Variants in LRRC37A observed in about 807,000 individuals in gnomAD.
LRRC37A encodes the protein leucine rich repeat containing 37A, also known as leucine-rich repeat-containing protein 37A.
LRRC37A carries 3 observed loss-of-function variants against 35.4 expected under a neutral mutation model. The observed-to-expected ratio is 0.08, with a 90% CI of 0.04 to 0.22. The LOEUF (loss-of-function observed/expected upper bound fraction) is 0.22. LRRC37A is among the 10% of genes least tolerant of loss of function. The pLI is 1.00. For synonymous variants in LRRC37A, 23 were observed against 215.0 expected, an observed-to-expected ratio of 0.11 and a Z score of 7.81; for missense variants, 67 against 565.3, an observed-to-expected ratio of 0.12 and a Z score of 8.94.
the LRRC37A span, among the ~76,000 whole-genome samples, chr17:46,261,777 A>C: frequency 1.1e-4 from 16 of 152,114 alleles, no homozygotes; most frequent in Admixed American, 3.3e-4. Context: ...AAAAGAAACA[A>C]GTATGGGAAA....
At chr17:46,264,092 T>C in the LRRC37A span, among the ~76,000 whole-genome samples, 1 of 151,714 alleles carries the variant, frequency 6.6e-6, no homozygotes, top group African/African-American at 2.4e-5. Context: ...CTATCCTGAG[T>C]TCTGTGAGTC....
At chr17:46,275,334 G>A in the LRRC37A span, 1 of 878,238 alleles carries the variant, frequency 1.1e-6, no homozygotes, top group Non-Finnish European at 1.7e-6. Context: ...AAATAGTTCA[G>A]GCAACAAGAT....
At chr17:46,248,610 C>T in the LRRC37A span, among the ~76,000 whole-genome samples, 1 of 152,070 alleles carries the variant, frequency 6.6e-6, no homozygotes, top group Non-Finnish European at 1.5e-5. Flanking sequence ...ACCTCCACCT[C>T]CCAGGTTCAA....
At chr17:46,305,013 C>CCCT in intron 3 of LRRC37A, among the ~76,000 whole-genome samples, 2 of 85,020 alleles carry the variant, frequency 2.4e-5, no homozygotes, top group East Asian at 6.1e-4. Context: ...GGACTACAGG[C>CCCT]ACGTGCCACT....
the LRRC37A span, among the ~76,000 whole-genome samples, chr17:46,261,168 C>T: frequency 0.15 from 22,214 of 152,040 alleles, 2,276 homozygotes; most frequent in Middle Eastern, 0.22. Context: ...AAAGAACTTA[C>T]TTACGTAACC....
At chr17:46,270,195 T>C in the LRRC37A span, among the ~76,000 whole-genome samples, 18,483 of 152,188 alleles carry the variant, frequency 0.12, no homozygotes, top group Non-Finnish European at 0.18. Context: ...GGTGATGCAC[T>C]CAGGAAGGTC....
chr17:46,252,224 TC>T, the LRRC37A span, among the ~76,000 whole-genome samples: 1 of 150,636 alleles, frequency 6.6e-6, no homozygotes, highest in East Asian at 1.9e-4. Context: ...ATTTTTTTTT[TC>T]AGACAGGATC....
chr17:46,257,104 C>G, the LRRC37A span, among the ~76,000 whole-genome samples: 10 of 152,256 alleles, frequency 6.6e-5, no homozygotes, highest in African/African-American at 2.4e-4. Flanking sequence ...AGTTACTCAT[C>G]TGTAAAACAG....
At chr17:46,264,146 C>CTTT in the LRRC37A span, among the ~76,000 whole-genome samples, 4 of 138,776 alleles carry the variant, frequency 2.9e-5, no homozygotes, top group African/African-American at 5.4e-5. Flanking sequence ...CCTCAGCTGA[C>CTTT]TTTTTTTTTT....
chr17:46,268,642 A>C, the LRRC37A span: 2 of 1,550,940 alleles, frequency 1.3e-6, no homozygotes, highest in Admixed American at 3.9e-5. Flanking sequence ...AAAAGGTTTA[A>C]CCCAAAAAGG....
chr17:46,271,167 T>TTTTTCTTTTC, the LRRC37A span, among the ~76,000 whole-genome samples: 12,687 of 137,520 alleles, frequency 0.092, 1 homozygote, highest in Middle Eastern at 0.15. Flanking sequence ...ATAGTTTCTT[T>TTTTTCTTTTC]TTTTTTTTTT....
At chr17:46,297,581 A>C in exon 1 of LRRC37A, 1 of 535,646 alleles carries the variant, frequency 1.9e-6, no homozygotes, top group Non-Finnish European at 3.2e-6. Context: ...ATAAGGCTTT[A>C]ACTGCACCAG....
chr17:46,252,919 C>CA, the LRRC37A span, among the ~76,000 whole-genome samples: 2 of 136,982 alleles, frequency 1.5e-5, 1 homozygote, highest in African/African-American at 5.0e-5. Flanking sequence ...GCTGGCCGGG[C>CA]GGGGGGCTGA....
At chr17:46,270,245 C>T in the LRRC37A span, among the ~76,000 whole-genome samples, 3 of 152,194 alleles carry the variant, frequency 2.0e-5, no homozygotes, top group African/African-American at 4.8e-5. Flanking sequence ...CCAGTAGTAG[C>T]ACTGTACACA....
At chr17:46,260,619 T>TC in the LRRC37A span, 1 of 1,117,744 alleles carries the variant, frequency 8.9e-7, no homozygotes, top group Non-Finnish European at 1.2e-6. Flanking sequence ...CTCTCTATTC[T>TC]CTTTTTTTTT....
Position 46,330,968 on chromosome 17 carries a change from G to C in LRRC37A, c.3691G>C (p.Val1231Leu), listed in dbSNP as rs138752722. 647 of 724,144 alleles carry C rather than the reference G, an allele frequency of 8.9e-4. 191 individuals are homozygous for C. The African/African-American group carries it at 0.011, about 12-fold the overall frequency. The allele number at this position is 724,144 out of a possible 1,614,324, so 44.9% of individuals were successfully genotyped here. ...GCCTGAGAAGTTAGCGGGAAACGCC[G>C]TCTACACCAAGCCTTCGTTCACCCA... is the stretch of plus-strand genomic sequence containing the variant. Residue 1231 changes from valine to leucine, a missense_variant, in exon 9 of 14, where the codon GTC (valine) becomes CTC (leucine). Val to Leu is a conservative substitution (Grantham distance 32, BLOSUM62 1). Transcript: ENST00000320254.
chr17:46,267,569 TG>T, the LRRC37A span: 1 of 1,612,180 alleles, frequency 6.2e-7, no homozygotes, highest in South Asian at 1.1e-5. Context: ...TACCACCGTT[TG>T]TAACGTGGGT....
upstream of LRRC37A, among the ~76,000 whole-genome samples, chr17:46,288,897 GT>G (rs1158875397): frequency 2.0e-5 from 3 of 151,992 alleles, no homozygotes; most frequent in Admixed American, 6.5e-5. Flanking sequence ...TAGAGACAGG[GT>G]TTCACCATGT....
Position 46,323,465 on chromosome 17 carries a change from A to T in LRRC37A, c.3053+438A>T, listed in dbSNP as rs1215906261. ...AGGCTGCAGTGCAGCGGCATGACCT[A>T]GGCTCACTGCAACCTCCACCTCCCA... On this transcript the variant is annotated intron_variant, in intron 7 of 13. Coordinates refer to ENST00000320254, the Ensembl canonical transcript of LRRC37A. Among the ~76,000 whole-genome samples the T allele has an allele frequency of 2.0e-5, 2 of 97,956 alleles. 1 individual carries two copies. The highest frequency in any genetic ancestry group is 2.1e-4 in the Admixed American group (2 of 9,700). 64.3% of individuals were successfully genotyped at this position (97,956 alleles called of 152,430 possible).
Sources: gnomAD v4.1 joint callset for allele counts (sites outside exome capture counted in the v4.1 genomes callset) on GRCh38, gnomAD v4.1.1 for gene constraint, MANE v1.5 for transcripts, NCBI Gene and HGNC (gene_info 2026-07-23, HGNC 2026-07-21) for gene names.